Variants in DNER observed in about 807,000 individuals in gnomAD.
DNER encodes the protein delta and Notch-like epidermal growth factor-related receptor.
DNER carries 33 observed loss-of-function variants against 78.2 expected under a neutral mutation model. The ratio of observed to expected loss-of-function variants is 0.42; its 90% CI spans 0.32 to 0.56. DNER has a LOEUF of 0.56. DNER is among the 20% of genes least tolerant of loss of function. The probability of loss-of-function intolerance (pLI) is 0.11; values close to 1 mark genes in which losing one functional copy is unlikely to be tolerated. For synonymous variants in DNER, 417 were observed against 384.8 expected (o/e 1.08, Z -0.98); for missense variants, 918 against 975.3 (o/e 0.94, Z 0.78).
At chr2:229,385,114 A>G (rs924583268) in intron 11 of DNER, among the ~76,000 whole-genome samples, 7 of 151,958 alleles carry the variant, frequency 4.6e-5, no homozygotes, top group Non-Finnish European at 1.0e-4. Context: ...AAAAAAAAAA[A>G]AAAGCTTATC....
intron 1 of DNER, among the ~76,000 whole-genome samples, chr2:229,682,849 A>C (rs1699408309): frequency 2.0e-5 from 3 of 152,126 alleles, no homozygotes; most frequent in Admixed American, 2.0e-4. Context: ...GTCTGTCTCA[A>C]AGAGAAAAAA....
intron 8 of DNER, among the ~76,000 whole-genome samples, chr2:229,423,724 G>A (rs1313618740): frequency 6.6e-6 from 1 of 151,028 alleles, no homozygotes; most frequent in Non-Finnish European, 1.5e-5. Flanking sequence ...CACTTCACAA[G>A]AACAACAGCT....
chr2:229,533,792 G>A (rs1195733480), intron 5 of DNER, among the ~76,000 whole-genome samples: 2 of 152,184 alleles, frequency 1.3e-5, no homozygotes, highest in Non-Finnish European at 2.9e-5. Flanking sequence ...AACAAAGTGA[G>A]CCTGTCACTT....
intron 8 of DNER, among the ~76,000 whole-genome samples, chr2:229,435,006 G>T (rs555172227): frequency 6.6e-6 from 1 of 151,456 alleles, no homozygotes; most frequent in Admixed American, 6.6e-5. Context: ...TAGGTTTAAG[G>T]TTATGGTAGA....
intron 1 of DNER, among the ~76,000 whole-genome samples, chr2:229,655,073 G>A (rs1182756725): frequency 6.6e-6 from 1 of 152,012 alleles, no homozygotes; most frequent in Admixed American, 6.6e-5. Context: ...TACTAACCTA[G>A]TTTTTAAAAC....
rs556977547 is a variant in DNER at position 229,503,946 on chromosome 2, G to C, written c.1147+8837C>G. Among the ~76,000 whole-genome samples the C allele has an allele frequency of 5.2e-4, 79 of 152,238 alleles. 1 individual carries two copies. The highest frequency in any genetic ancestry group is 1.8e-3 in the African/African-American group (75 of 41,562). ...TTTTGTAGAGATGGAGTTTTGCCAT[G>C]TTGCCCAGGCTGGTCTGAAACTCCT... On this transcript the variant is annotated intron_variant, in intron 6 of 12. Transcript: ENST00000341772.
chr2:229,464,530 T>C (rs902405090), intron 7 of DNER, among the ~76,000 whole-genome samples: 2 of 152,120 alleles, frequency 1.3e-5, no homozygotes, highest in African/African-American at 4.8e-5. Flanking sequence ...ACAAAAATAA[T>C]TGGCTATTGA....
At chr2:229,479,446 C>T (rs1026392377) in intron 6 of DNER, among the ~76,000 whole-genome samples, 3 of 152,158 alleles carry the variant, frequency 2.0e-5, no homozygotes, top group Non-Finnish European at 2.9e-5. Flanking sequence ...GGTGCGGTAG[C>T]TCATGCCTGT....
chr2:229,637,095 A>C (rs778039411), intron 1 of DNER, among the ~76,000 whole-genome samples: 1 of 152,190 alleles, frequency 6.6e-6, no homozygotes, highest in Non-Finnish European at 1.5e-5. Flanking sequence ...TTTCTCACCC[A>C]TCCCACTCTA....
chr2:229,494,894 G>C (rs183976807), intron 6 of DNER, among the ~76,000 whole-genome samples: 3 of 152,228 alleles, frequency 2.0e-5, no homozygotes, highest in Admixed American at 2.0e-4. Context: ...TTCAAACTGA[G>C]AGTGTCTTTG....
At chr2:229,510,901 T>C (rs1308736781) in intron 6 of DNER, among the ~76,000 whole-genome samples, 2 of 152,186 alleles carry the variant, frequency 1.3e-5, no homozygotes, top group African/African-American at 4.8e-5. Context: ...AAAAGGCAAG[T>C]TATAGAACAA....
intron 11 of DNER, among the ~76,000 whole-genome samples, chr2:229,377,981 AC>A (rs994470210): frequency 6.6e-6 from 1 of 152,194 alleles, no homozygotes; most frequent in Admixed American, 6.5e-5. Flanking sequence ...GCTCAATGCA[AC>A]CAGAAGAGTC....
intron 1 of DNER, among the ~76,000 whole-genome samples, chr2:229,645,288 T>C (rs1252035824): frequency 6.6e-6 from 1 of 152,216 alleles, no homozygotes; most frequent in Non-Finnish European, 1.5e-5. Flanking sequence ...ATTGTAGACA[T>C]GCATCTGGCC....
chr2:229,417,324 G>T (rs1693674403), intron 9 of DNER, among the ~76,000 whole-genome samples: 1 of 152,212 alleles, frequency 6.6e-6, no homozygotes, highest in Non-Finnish European at 1.5e-5. Flanking sequence ...GCGGTTGAAT[G>T]AAATGGCTAT....
intron 1 of DNER, among the ~76,000 whole-genome samples, chr2:229,708,261 T>G (rs1012357449): frequency 6.6e-6 from 1 of 152,196 alleles, no homozygotes; most frequent in African/African-American, 2.4e-5. Flanking sequence ...CAGGAGCTTC[T>G]CAACCCTAGT....
intron 4 of DNER, among the ~76,000 whole-genome samples, chr2:229,583,159 T>C (rs1387823926): frequency 6.6e-6 from 1 of 152,212 alleles, no homozygotes; most frequent in Non-Finnish European, 1.5e-5. Flanking sequence ...GTCATAGTTA[T>C]GTTACCATCA....
chr2:229,712,462 C>T (rs1330706724), intron 1 of DNER, among the ~76,000 whole-genome samples: 1 of 152,188 alleles, frequency 6.6e-6, no homozygotes, highest in East Asian at 1.9e-4. Flanking sequence ...GGCACTCTAA[C>T]CTACCTTCTC....
At chr2:229,411,297 C>T (rs574282937) in intron 9 of DNER, among the ~76,000 whole-genome samples, 3 of 152,288 alleles carry the variant, frequency 2.0e-5, no homozygotes, top group African/African-American at 7.2e-5. Context: ...TAGCTCACGC[C>T]GGTAATCCCA....
chr2:229,442,279 G>A, intron 8 of DNER, among the ~76,000 whole-genome samples: 1 of 152,180 alleles, frequency 6.6e-6, no homozygotes, highest in East Asian at 1.9e-4. Context: ...ACTTTGGGAG[G>A]CCAAGGCAGG....
Sources: gnomAD v4.1 joint callset for allele counts (sites outside exome capture counted in the v4.1 genomes callset) on GRCh38, gnomAD v4.1.1 for gene constraint, MANE v1.5 for transcripts, NCBI Gene and HGNC (gene_info 2026-07-23, HGNC 2026-07-21) for gene names.